The following MAGI1 variants were observed in gnomAD, a reference collection of about 807,000 sequenced individuals.
MAGI1 encodes membrane-associated guanylate kinase, WW and PDZ domain-containing protein 1.
MAGI1 carries 58 observed loss-of-function variants against 139.9 expected under a neutral mutation model. The observed-to-expected ratio is 0.41, with a 90% CI of 0.34 to 0.52. The LOEUF (loss-of-function observed/expected upper bound fraction) is 0.52. Ranked by LOEUF, MAGI1 falls within the 20% of genes least tolerant of loss-of-function variation. The pLI is 0.12. For synonymous variants in MAGI1, 812 were observed against 737.9 expected (o/e 1.10, Z -1.63); for missense variants, 1,874 against 1,901.6 (o/e 0.99, Z 0.27).
Position 65,364,688 on chromosome 3 carries a change from A to G in MAGI1, c.3328T>C (p.Phe1110Leu). ...TKPKQESQFE[F>L]KAPQATQEQD... ...ACCTGTGTTGCTTGGGGTGCTTTGAACTCAAATTGAGATTCCTGCTTTGGT... is the reference window on the plus strand; with the variant it reads ...ACCTGTGTTGCTTGGGGTGCTTTGAGCTCAAATTGAGATTCCTGCTTTGGT... The change falls in exon 20 of 23, where the codon TTC (phenylalanine) becomes CTC (leucine). Residue 1110 changes from phenylalanine (F) to leucine (L), a missense_variant. By Grantham distance (22) the Phe-to-Leu change is conservative. Transcript: ENST00000402939. 1 of 1,614,060 alleles carries G rather than the reference A, an allele frequency of 6.2e-7. No individual in the cohort carries two copies. The highest frequency in any genetic ancestry group is 1.1e-5 in the South Asian group (1 of 91,078).
chr3:65,885,034 C>CTATTGT (rs2060477507), intron 1 of MAGI1, among the ~76,000 whole-genome samples: 1 of 151,974 alleles, frequency 6.6e-6, no homozygotes, highest in East Asian at 1.9e-4. Flanking sequence ...CAGAAACAAC[C>CTATTGT]TAAATATTCA....
At chr3:65,844,242 G>C (rs140778974) in intron 1 of MAGI1, 3 of 464,442 alleles carry the variant, frequency 6.5e-6, no homozygotes, top group South Asian at 1.7e-5. Flanking sequence ...GAGCAGATCC[G>C]GGTGAACAAA....
chr3:65,763,700 C>T (rs1025956827), intron 1 of MAGI1, among the ~76,000 whole-genome samples: 4 of 151,734 alleles, frequency 2.6e-5, no homozygotes, highest in Non-Finnish European at 5.9e-5. Context: ...AACAAAATAG[C>T]ACAGTCTTCT....
At chr3:65,480,295 G>C (rs558015654) in intron 3 of MAGI1, among the ~76,000 whole-genome samples, 14 of 152,198 alleles carry the variant, frequency 9.2e-5, no homozygotes, top group Admixed American at 2.6e-4. Flanking sequence ...CACATTGGGA[G>C]GCTGAGGCGG....
Position 65,555,326 on chromosome 3 carries a change from CTA to C in MAGI1, c.431-61697_431-61696del, listed in dbSNP as rs139366647. ...CGGATTCCTTTCTGCCTCAGAATAG[CTA>C]TGAGGCCATGCTTTATAAGTCTTAT... On this transcript the variant is annotated intron_variant, in intron 2 of 22. Transcript: ENST00000402939. 8.6e-3 allele frequency among the ~76,000 whole-genome samples: 1,310 copies of C among 152,288 alleles called. 15 individuals are homozygous for C. Among genetic ancestry groups the C allele is most frequent in the African/African-American group, 0.029 (1,207 of 41,566 alleles).
intron 1 of MAGI1, among the ~76,000 whole-genome samples, chr3:65,739,052 T>C (rs954507001): frequency 2.6e-5 from 4 of 152,248 alleles, no homozygotes; most frequent in Non-Finnish European, 4.4e-5. Flanking sequence ...AGGAAAGTCC[T>C]GGACAACATA....
intron 1 of MAGI1, among the ~76,000 whole-genome samples, chr3:65,940,572 C>T (rs2063262795): frequency 6.6e-6 from 1 of 152,186 alleles, no homozygotes; most frequent in African/African-American, 2.4e-5. Context: ...TTCCAACAGT[C>T]CCACTTCCTT....
At chr3:66,029,412 G>C (rs1379137825) in intron 1 of MAGI1, among the ~76,000 whole-genome samples, 5 of 152,122 alleles carry the variant, frequency 3.3e-5, no homozygotes, top group Non-Finnish European at 4.4e-5. Context: ...CCATTAAACA[G>C]ACACACAAAT....
In MAGI1 at chr3:66,032,931, A is replaced by AC. The variant is rs2068712554; in HGVS notation, c.313+5064_313+5065insG. Among the ~76,000 whole-genome samples, 4 of 150,702 alleles carry AC rather than the reference A, an allele frequency of 2.7e-5. No homozygotes were observed. The South Asian group carries it at 8.4e-4, about 32-fold the overall frequency. On this transcript the variant is annotated intron_variant, in intron 1 of 22. Coordinates refer to ENST00000402939, the MANE Select transcript of MAGI1 (RefSeq NM_001033057.2). ...CTCCATCTCAAAAAAAAAAAAAAAA[A>AC]AAACAACAACAACAACAACAGAAGA... is the stretch of plus-strand genomic sequence containing the variant.
intron 5 of MAGI1, among the ~76,000 whole-genome samples, chr3:65,453,594 T>C (rs1253835476): frequency 6.6e-6 from 1 of 152,186 alleles, no homozygotes; most frequent in Non-Finnish European, 1.5e-5. Context: ...TAATACCAGT[T>C]TTATTTTTGA....
At chr3:66,029,719 A>T (rs757019320) in intron 1 of MAGI1, among the ~76,000 whole-genome samples, 26 of 152,180 alleles carry the variant, frequency 1.7e-4, no homozygotes, top group Non-Finnish European at 2.8e-4. Context: ...AGCACCTCCC[A>T]GATAAGCCCT....
At chr3:65,374,840 A>G (rs1466869518) in intron 18 of MAGI1, among the ~76,000 whole-genome samples, 2 of 152,214 alleles carry the variant, frequency 1.3e-5, no homozygotes, top group African/African-American at 4.8e-5. Context: ...AACTAATCAC[A>G]AAAACAAATA....
chr3:65,797,481 G>A (rs2108107605), intron 1 of MAGI1, among the ~76,000 whole-genome samples: 1 of 152,302 alleles, frequency 6.6e-6, no homozygotes, highest in South Asian at 2.1e-4. Context: ...CCAGTACTTT[G>A]AGCAGTCGAG....
chr3:66,005,238 C>CA (rs1476222237), intron 1 of MAGI1, among the ~76,000 whole-genome samples: 1 of 152,166 alleles, frequency 6.6e-6, no homozygotes, highest in East Asian at 1.9e-4. Flanking sequence ...AGGGAGACCA[C>CA]AGTCTTCAAT....
At chr3:66,036,248 A>C (rs1019172594) in intron 1 of MAGI1, among the ~76,000 whole-genome samples, 2 of 152,258 alleles carry the variant, frequency 1.3e-5, no homozygotes, top group Non-Finnish European at 2.9e-5. Flanking sequence ...TACTATGTAC[A>C]GGCACTGTTG....
chr3:65,889,363 T>C (rs2060651792), intron 1 of MAGI1, among the ~76,000 whole-genome samples: 1 of 152,242 alleles, frequency 6.6e-6, no homozygotes. Context: ...CAGTTGCTGC[T>C]ACATATTTTG....
intron 3 of MAGI1, among the ~76,000 whole-genome samples, chr3:65,488,358 A>G (rs1009779016): frequency 6.6e-6 from 1 of 151,684 alleles, no homozygotes; most frequent in African/African-American, 2.4e-5. Flanking sequence ...GTTTTTTGAG[A>G]CAGGGTCTCA....
intron 1 of MAGI1, among the ~76,000 whole-genome samples, chr3:65,914,610 C>A (rs2061814437): frequency 6.6e-6 from 1 of 152,176 alleles, no homozygotes; most frequent in Non-Finnish European, 1.5e-5. Context: ...AGCCCACAGG[C>A]TACCAGTTTG....
intron 1 of MAGI1, among the ~76,000 whole-genome samples, chr3:65,702,111 G>T (rs1020797884): frequency 6.6e-6 from 1 of 152,060 alleles, no homozygotes; most frequent in Non-Finnish European, 1.5e-5. Flanking sequence ...GAAGGTTTCT[G>T]ATCAGTATTC....
Sources: allele counts gnomAD v4.1 joint callset (sites outside exome capture counted in the v4.1 genomes callset), GRCh38; gene constraint gnomAD v4.1.1; transcripts MANE v1.5; gene names NCBI Gene and HGNC (gene_info 2026-07-23, HGNC 2026-07-21).